The following PACS1 variants were observed in gnomAD, a reference collection of about 807,000 sequenced individuals.
PACS1 encodes phosphofurin acidic cluster sorting protein 1, also known as PACS-1.
PACS1 carries 24 observed loss-of-function variants against 115.0 expected under a neutral mutation model. That is an observed-to-expected ratio of 0.21 (90% CI 0.15 to 0.29). The LOEUF is 0.29. Among genes scored for constraint, PACS1 ranks in the 10% least tolerant of loss-of-function variants. The pLI is 1.00. For synonymous variants in PACS1, 453 were observed against 504.5 expected, an observed-to-expected ratio of 0.90 and a Z score of 1.37; for missense variants, 838 against 1,251.2, an observed-to-expected ratio of 0.67 and a Z score of 4.98.
At chr11:66,160,912 C>G in intron 1 of PACS1, among the ~76,000 whole-genome samples, 1 of 152,090 alleles carries the variant, frequency 6.6e-6, no homozygotes, top group East Asian at 1.9e-4. Flanking sequence ...GTCTTGCTTG[C>G]ATTGTGGTTA....
intron 1 of PACS1, among the ~76,000 whole-genome samples, chr11:66,094,789 A>C (rs2134518206): frequency 6.6e-6 from 1 of 152,324 alleles, no homozygotes; most frequent in African/African-American, 2.4e-5. Flanking sequence ...TCGATGCAAA[A>C]ATCCTCAATA....
At chr11:66,115,208 CAA>C (rs71455703) in intron 1 of PACS1, among the ~76,000 whole-genome samples, 20 of 80,342 alleles carry the variant, frequency 2.5e-4, no homozygotes, top group Non-Finnish European at 2.1e-4. Context: ...GACCCTATCT[CAA>C]AAAAAAAAAA....
At chr11:66,150,951 T>C (rs1265451803) in intron 1 of PACS1, among the ~76,000 whole-genome samples, 1 of 151,948 alleles carries the variant, frequency 6.6e-6, no homozygotes, top group African/African-American at 2.4e-5. Flanking sequence ...GAAATGATAG[T>C]GGAAAGCTGC....
intron 1 of PACS1, among the ~76,000 whole-genome samples, chr11:66,142,779 A>G (rs1859027405): frequency 6.6e-6 from 1 of 152,010 alleles, no homozygotes. Flanking sequence ...AGAGGGAAGA[A>G]GGTTCAACCT....
intron 1 of PACS1, among the ~76,000 whole-genome samples, chr11:66,180,383 TCTCA>T (rs1859979643): frequency 6.6e-6 from 1 of 150,422 alleles, no homozygotes; most frequent in Non-Finnish European, 1.5e-5. Flanking sequence ...TGAAACGGAG[TCTCA>T]CTCTGTTGCC....
At chr11:66,162,408 C>G (rs1859511962) in intron 1 of PACS1, among the ~76,000 whole-genome samples, 1 of 152,158 alleles carries the variant, frequency 6.6e-6, no homozygotes, top group African/African-American at 2.4e-5. Flanking sequence ...AGGCCTGAGC[C>G]ACCGCGCCTG....
At chr11:66,181,646 C>T (rs1042492293) in intron 1 of PACS1, among the ~76,000 whole-genome samples, 1 of 152,058 alleles carries the variant, frequency 6.6e-6, no homozygotes, top group African/African-American at 2.4e-5. Context: ...TCTAATATTT[C>T]TTGTCTTAGG....
At chr11:66,187,379 C>T (rs1854408039) in intron 1 of PACS1, among the ~76,000 whole-genome samples, 1 of 152,122 alleles carries the variant, frequency 6.6e-6, no homozygotes, top group Non-Finnish European at 1.5e-5. Context: ...TAACTGTAGT[C>T]ATCTTTCTGA....
At chr11:66,086,134 C>CA (rs1857562898) in intron 1 of PACS1, among the ~76,000 whole-genome samples, 1 of 122,816 alleles carries the variant, frequency 8.1e-6, no homozygotes, top group Non-Finnish European at 1.7e-5. Context: ...CTTATGATTT[C>CA]TTTTTTTTTT....
intron 1 of PACS1, among the ~76,000 whole-genome samples, chr11:66,072,171 G>GT (rs1383683431): frequency 6.6e-6 from 1 of 151,816 alleles, no homozygotes; most frequent in South Asian, 2.1e-4. Flanking sequence ...GACTTGATTG[G>GT]TTTTTTTATT....
chr11:66,144,489 A>G (rs1362044285), intron 1 of PACS1, among the ~76,000 whole-genome samples: 1 of 152,236 alleles, frequency 6.6e-6, no homozygotes, highest in Non-Finnish European at 1.5e-5. Context: ...GTGCTTAGAT[A>G]AGACTTGAAG....
chr11:66,171,724 C>T (rs1025644588), intron 1 of PACS1, among the ~76,000 whole-genome samples: 2 of 149,904 alleles, frequency 1.3e-5, no homozygotes, highest in Non-Finnish European at 2.9e-5. Context: ...GGACTATAGG[C>T]GCCCACCACC....
chr11:66,232,324 A>G (rs778815738), intron 14 of PACS1, 48 bp downstream of exon 14: 4 of 1,094,052 alleles, frequency 3.7e-6, no homozygotes, highest in South Asian at 2.5e-5. Context: ...AGGGCAGGCA[A>G]TGCCCGGTTG....
At chr11:66,172,857 T>A (rs969187270) in intron 1 of PACS1, among the ~76,000 whole-genome samples, 1 of 151,362 alleles carries the variant, frequency 6.6e-6, no homozygotes, top group Non-Finnish European at 1.5e-5. Flanking sequence ...GTGCCTGTAG[T>A]CCCAGCTACT....
intron 1 of PACS1, among the ~76,000 whole-genome samples, chr11:66,140,620 C>T (rs913768484): frequency 2.6e-5 from 4 of 152,220 alleles, no homozygotes; most frequent in South Asian, 2.1e-4. Context: ...AGATACACAG[C>T]GAGTAGTGTC....
intron 1 of PACS1, among the ~76,000 whole-genome samples, chr11:66,121,998 A>T (rs1858454059): frequency 6.6e-6 from 1 of 152,360 alleles, no homozygotes; most frequent in South Asian, 2.1e-4. Context: ...TGTTGGAAGA[A>T]GATGCCATCT....
chr11:66,192,924 T>A (rs1854561743), intron 1 of PACS1, among the ~76,000 whole-genome samples: 1 of 152,234 alleles, frequency 6.6e-6, no homozygotes, highest in Non-Finnish European at 1.5e-5. Flanking sequence ...TGAAATAGAA[T>A]TTGTGACCAT....
chr11:66,074,518 A>G (rs564465137), intron 1 of PACS1, among the ~76,000 whole-genome samples: 9 of 152,248 alleles, frequency 5.9e-5, no homozygotes, highest in Non-Finnish European at 7.4e-5. Context: ...AAATTACTAA[A>G]TTTTACAAGC....
chr11:66,082,576 A>G (rs1054424926), intron 1 of PACS1, among the ~76,000 whole-genome samples: 2 of 152,188 alleles, frequency 1.3e-5, no homozygotes, highest in African/African-American at 4.8e-5. Context: ...ATGTTTGCGC[A>G]TCAGGCCGGG....
Sources: gnomAD v4.1 joint callset for allele counts (sites outside exome capture counted in the v4.1 genomes callset) on GRCh38, gnomAD v4.1.1 for gene constraint, MANE v1.5 for transcripts, NCBI Gene and HGNC (gene_info 2026-07-23, HGNC 2026-07-21) for gene names.